NUP93: variants seen among roughly 807,000 people sequenced by gnomAD.
The protein encoded by NUP93 is nucleoporin 93.
Under a neutral mutation model 107.8 loss-of-function variants are expected in NUP93, and 55 were observed. That is an observed-to-expected ratio of 0.51 (90% CI 0.41 to 0.64). NUP93 has a LOEUF of 0.64. Ranked by LOEUF, NUP93 falls within the 30% of genes least tolerant of loss-of-function variation. The pLI, the probability that NUP93 is intolerant of heterozygous loss-of-function variation, is 0.00. For missense variants in NUP93, 937 were observed against 1,044.7 expected, an observed-to-expected ratio of 0.90 and a Z score of 1.42; for synonymous variants, 390 against 397.5, an observed-to-expected ratio of 0.98 and a Z score of 0.22.
At chr16:56,731,401 CTT>C (rs1244190547) in intron 1 of NUP93, among the ~76,000 whole-genome samples, 2 of 144,600 alleles carry the variant, frequency 1.4e-5, no homozygotes, top group Admixed American at 6.9e-5. Context: ...CTTTTCTTTC[CTT>C]TTTTTTTTTT....
intron 4 of NUP93, among the ~76,000 whole-genome samples, chr16:56,803,950 C>A (rs1264591834): frequency 6.6e-6 from 1 of 151,964 alleles, no homozygotes; most frequent in East Asian, 1.9e-4. Flanking sequence ...TAGGGTTTTG[C>A]CATGTTGACC....
At chr16:56,739,614 G>C (rs1395187121) in intron 1 of NUP93, among the ~76,000 whole-genome samples, 179 of 114,202 alleles carry the variant, frequency 1.6e-3, no homozygotes, top group African/African-American at 7.0e-3. Flanking sequence ...GCGGCTGGCC[G>C]GGCGGGGGGC....
In NUP93 at chr16:56,849,226, C is replaced by T. The variant is rs964256994; in HGVS notation, c.*4617C>T. 5 of 152,338 alleles carry T rather than the reference C, an allele frequency of 3.3e-5. No individual in the cohort carries two copies. Among genetic ancestry groups the T allele is most frequent in the African/African-American group, 1.2e-4 (5 of 41,566 alleles). The allele number at this position is 152,338 out of a possible 1,614,324, so 9.4% of individuals were successfully genotyped here. A position where few individuals can be genotyped will look rare whatever the true frequency, so the allele number is the denominator to read the frequency against. ...ATGTCTCCCAGGATCAAATGAGACT[C>T]AGGGCTGTTCCTTCAAAGACAGAAA... On this transcript the variant is annotated 3_prime_UTR_variant, in exon 22 of 22. Transcript: ENST00000308159.
Position 56,796,028 on chromosome 16 carries a change from GGT to G in NUP93, c.298-2444_298-2443del, listed in dbSNP as rs1157769588. ...CCCAGTGCACTGCCCAGGTTTTTGGGGTGTGACAGCACCTGTTGGGGAGACAT... is the reference window on the plus strand; with the variant it reads ...CCCAGTGCACTGCCCAGGTTTTTGGGGTGACAGCACCTGTTGGGGAGACAT... On this transcript the variant is annotated intron_variant, in intron 3 of 21. Transcript: ENST00000308159. Among the ~76,000 whole-genome samples the G allele has an allele frequency of 2.0e-5, 3 of 152,096 alleles. No homozygotes were observed. In the East Asian group the frequency reaches 5.8e-4, roughly 29 times the overall value.
chr16:56,795,167 C>T (rs1179418340), intron 3 of NUP93, among the ~76,000 whole-genome samples: 3 of 151,950 alleles, frequency 2.0e-5, no homozygotes, highest in African/African-American at 7.3e-5. Flanking sequence ...AGCAGCATAG[C>T]GGCAGCCACA....
chr16:56,834,002 A>G (rs1378150945), intron 13 of NUP93, 126 bp from the exon 14 acceptor site: 3 of 1,355,706 alleles, frequency 2.2e-6, no homozygotes, highest in Non-Finnish European at 3.1e-6. Context: ...AGCTTATATT[A>G]GCAAACTTTG....
Position 56,830,524 on chromosome 16 carries a change from T to C in NUP93, c.928-4T>C. 6.4e-7 allele frequency: 1 copy of C among 1,568,374 alleles called. No individual in the cohort carries two copies. On this transcript the variant is annotated splice_polypyrimidine_tract_variant and splice_region_variant and intron_variant, in intron 9 of 21. Coordinates refer to ENST00000308159, the MANE Select transcript of NUP93 (RefSeq NM_014669.5). ...TTTTGAGCACTTAACTGTTCCTCTT[T>C]TAGGATGGAGAGGTGGAAGGCCATC...
At chr16:56,790,182 T>C (rs1468792637) in intron 3 of NUP93, among the ~76,000 whole-genome samples, 1 of 152,160 alleles carries the variant, frequency 6.6e-6, no homozygotes, top group Non-Finnish European at 1.5e-5. Context: ...AAGCCTGGAC[T>C]TTTGCTATTC....
chr16:56,804,883 G>A (rs1265326590), intron 4 of NUP93, among the ~76,000 whole-genome samples: 2 of 150,292 alleles, frequency 1.3e-5, no homozygotes, highest in Non-Finnish European at 2.9e-5. Flanking sequence ...TCCAGCCTGG[G>A]CGACAGAGTG....
At chr16:56,833,998 T>C (rs1963856630) in intron 13 of NUP93, 130 bp from the exon 14 acceptor site, 2 of 1,311,330 alleles carry the variant, frequency 1.5e-6, no homozygotes, top group Non-Finnish European at 2.1e-6. Flanking sequence ...CCAAAGCTTA[T>C]ATTAGCAAAC....
At chr16:56,754,464 T>C (rs897848990) in intron 2 of NUP93, among the ~76,000 whole-genome samples, 11 of 152,206 alleles carry the variant, frequency 7.2e-5, no homozygotes, top group Non-Finnish European at 1.0e-4. Flanking sequence ...CACGTCTCTT[T>C]GCCTATGAGC....
At chr16:56,759,235 T>C (rs934784641) in intron 3 of NUP93, among the ~76,000 whole-genome samples, 1 of 152,226 alleles carries the variant, frequency 6.6e-6, no homozygotes, top group African/African-American at 2.4e-5. Flanking sequence ...CGTAAAATTG[T>C]TAAGGAAAAA....
chr16:56,741,854 C>G (rs545276051), intron 1 of NUP93: 1 of 152,252 alleles, frequency 6.6e-6, no homozygotes, highest in East Asian at 1.9e-4. Context: ...ATTAGAATTC[C>G]TCAGTCAGTA....
At chr16:56,774,279 A>G (rs1036017000) in intron 3 of NUP93, among the ~76,000 whole-genome samples, 2 of 152,238 alleles carry the variant, frequency 1.3e-5, no homozygotes, top group African/African-American at 2.4e-5. Flanking sequence ...TCAGCAGATT[A>G]AATACACCGT....
intron 3 of NUP93, among the ~76,000 whole-genome samples, chr16:56,766,986 T>C (rs973299985): frequency 2.0e-5 from 3 of 152,256 alleles, no homozygotes; most frequent in African/African-American, 4.8e-5. Flanking sequence ...TGTGTATCGC[T>C]TTCTTTTAAA....
chr16:56,829,030 T>A lies in NUP93; in HGVS notation c.848T>A (p.Leu283Gln). 6.2e-7 allele frequency: 1 copy of A among 1,613,730 alleles called. No individual in the cohort carries two copies. Among genetic ancestry groups the A allele is most frequent in the Non-Finnish European group, 8.5e-7 (1 of 1,179,886 alleles). Reference sequence around the variant, plus strand: ...TTTGGAAATTTGCATCAGGCCCAGCTGGGCGGGGTGCCTGGGACTTACCAA... The same window carrying A: ...TTTGGAAATTTGCATCAGGCCCAGCAGGGCGGGGTGCCTGGGACTTACCAA... ...TVFGNLHQAQ[L>Q]GGVPGTYQLV... is the part of the protein sequence containing the mutation. The change falls in exon 9 of 22, where the codon CTG becomes CAG. Residue 283 changes from leucine (L) to glutamine (Q), a missense_variant. Coordinates refer to ENST00000308159, the MANE Select transcript of NUP93 (RefSeq NM_014669.5).
In NUP93 at chr16:56,831,751, T is replaced by C. The variant is rs1963790613; in HGVS notation, c.1086-91T>C. 10 of 1,338,188 alleles carry C rather than the reference T, an allele frequency of 7.5e-6. No individual in the cohort carries two copies. The South Asian group carries it at 1.4e-4, about 18-fold the overall frequency. The allele number at this position is 1,338,188 out of a possible 1,614,324, so 82.9% of individuals were successfully genotyped here. A position where few individuals can be genotyped will look rare whatever the true frequency, so the allele number is the denominator to read the frequency against. ...CCCGGATGAAGGAAGGCTTCCCTGC[T>C]TTTATGTGTTTGGGACCTGGGACGC... On this transcript the variant is annotated intron_variant, in intron 10 of 21. Coordinates refer to ENST00000308159, the MANE Select transcript of NUP93 (RefSeq NM_014669.5).
chr16:56,761,195 G>C (rs1962120384), intron 3 of NUP93, among the ~76,000 whole-genome samples: 1 of 152,178 alleles, frequency 6.6e-6, no homozygotes, highest in African/African-American at 2.4e-5. Flanking sequence ...CTGATCTGGG[G>C]GAACTCCGTT....
chr16:56,844,508 A>G lies in NUP93; in HGVS notation c.2359A>G (p.Ser787Gly). Residue 787 changes from serine to glycine, a missense_variant, in exon 22 of 22, where the codon AGT becomes GGT. Transcript: ENST00000308159. Reference sequence around the variant, plus strand: ...TTCCCTTCTCTCTCAGCAACTCCGAAGTCAAGCCCGCACTCTGATTACCTT... The same window carrying G: ...TTCCCTTCTCTCTCAGCAACTCCGAGGTCAAGCCCGCACTCTGATTACCTT... Reference protein sequence around the residue: ...VIEDRDSQLRSQARTLITFAG... With the variant: ...VIEDRDSQLRGQARTLITFAG... 1 of 1,473,418 alleles carries G rather than the reference A, an allele frequency of 6.8e-7. No individual in the cohort carries two copies. The highest frequency in any genetic ancestry group is 9.1e-7 in the Non-Finnish European group (1 of 1,104,688). The allele number at this position is 1,473,418 out of a possible 1,614,324, so 91.3% of individuals were successfully genotyped here.
Sources: allele counts gnomAD v4.1 joint callset (sites outside exome capture counted in the v4.1 genomes callset), GRCh38; gene constraint gnomAD v4.1.1; transcripts MANE v1.5; gene names NCBI Gene and HGNC (gene_info 2026-07-23, HGNC 2026-07-21).